Variants in NDEL1 observed in about 807,000 individuals in gnomAD.
NDEL1 encodes the protein nuclear distribution protein nudE-like 1.
In NDEL1, 9 loss-of-function variants were observed where a neutral mutation model predicts 45.7. That is an observed-to-expected ratio of 0.20 (90% CI 0.12 to 0.34). The LOEUF is 0.34. Among genes scored for constraint, NDEL1 ranks in the 10% least tolerant of loss-of-function variants. The probability of loss-of-function intolerance (pLI) is 1.00; values close to 1 mark genes in which losing one functional copy is unlikely to be tolerated. For synonymous variants in NDEL1, 133 were observed against 158.6 expected, an observed-to-expected ratio of 0.84 and a Z score of 1.21; for missense variants, 306 against 406.2, an observed-to-expected ratio of 0.75 and a Z score of 2.12.
intron 1 of NDEL1, chr17:8,443,923 G>C (rs753501504): frequency 5.8e-6 from 1 of 173,040 alleles, no homozygotes; most frequent in African/African-American, 2.4e-5. Flanking sequence ...CTCCCGATTC[G>C]CAGAAGACCA....
intron 1 of NDEL1, among the ~76,000 whole-genome samples, chr17:8,419,358 A>G (rs914354264): frequency 6.6e-6 from 1 of 152,248 alleles, no homozygotes; most frequent in African/African-American, 2.4e-5. Context: ...AAATATATCC[A>G]GTCTAATACA....
chr17:8,441,580 A>G (rs182877082), intron 1 of NDEL1, among the ~76,000 whole-genome samples: 1 of 152,286 alleles, frequency 6.6e-6, no homozygotes, highest in East Asian at 1.9e-4. Context: ...ACTTTCTTCT[A>G]TTGCTTTTTT....
upstream of NDEL1, among the ~76,000 whole-genome samples, chr17:8,434,898 C>T (rs889994255): frequency 2.6e-5 from 4 of 151,988 alleles, no homozygotes; most frequent in Non-Finnish European, 4.4e-5. Flanking sequence ...GGTGAAACCC[C>T]GTCTCTACTA....
At chr17:8,452,841 G>C (rs1410655360) in intron 6 of NDEL1, among the ~76,000 whole-genome samples, 1 of 142,290 alleles carries the variant, frequency 7.0e-6, no homozygotes, top group Non-Finnish European at 1.5e-5. Context: ...CTGGGTTCAA[G>C]TGATTCTCCT....
downstream of NDEL1, among the ~76,000 whole-genome samples, chr17:8,470,516 G>T (rs1199204012): frequency 1.3e-5 from 2 of 152,146 alleles, no homozygotes; most frequent in South Asian, 4.1e-4. The surrounding 1 kb of genome is among the most constrained non-coding windows in gnomAD (Gnocchi z 4.2). Context: ...TGAGACCCAG[G>T]AGCCAAAGCT....
intron 8 of NDEL1, 34 bp downstream of exon 8, chr17:8,460,194 G>C: frequency 6.3e-7 from 1 of 1,592,748 alleles, no homozygotes; most frequent in Non-Finnish European, 8.5e-7. Context: ...ATAATTTTTT[G>C]AGTAGTAAAG....
chr17:8,471,008 G>T (rs1372991866), downstream of NDEL1, among the ~76,000 whole-genome samples: 1 of 152,202 alleles, frequency 6.6e-6, no homozygotes, highest in African/African-American at 2.4e-5. Context: ...GGAGCACCCG[G>T]TAGCCAGCTC....
chr17:8,434,766 A>G (rs1909155691), upstream of NDEL1, among the ~76,000 whole-genome samples: 1 of 151,826 alleles, frequency 6.6e-6, no homozygotes. Context: ...CTAAAAATAT[A>G]TAAACATTAA....
intron 1 of NDEL1, among the ~76,000 whole-genome samples, chr17:8,420,728 A>G (rs1208725984): frequency 1.3e-5 from 2 of 152,244 alleles, no homozygotes; most frequent in African/African-American, 4.8e-5. Flanking sequence ...TATTTTTCAA[A>G]TATAAAATAC....
At chr17:8,461,548 CAG>C (rs1911207064) in intron 8 of NDEL1, among the ~76,000 whole-genome samples, 1 of 152,152 alleles carries the variant, frequency 6.6e-6, no homozygotes, top group African/African-American at 2.4e-5. Flanking sequence ...CAGCTGAAAT[CAG>C]AACTTTATTC....
intron 1 of NDEL1, among the ~76,000 whole-genome samples, chr17:8,426,798 A>G (rs1328564850): frequency 6.6e-6 from 1 of 152,216 alleles, no homozygotes; most frequent in Non-Finnish European, 1.5e-5. Context: ...ACAAACCTCA[A>G]TAGGGGATTA....
chr17:8,426,125 C>T (rs1188731400), intron 1 of NDEL1, among the ~76,000 whole-genome samples: 1 of 152,138 alleles, frequency 6.6e-6, no homozygotes. Flanking sequence ...TATTTTCCTT[C>T]TTTTTGTTTT....
chr17:8,442,307 C>T lies in NDEL1; in HGVS notation c.-12-1953C>T, dbSNP rs192252203. Among the ~76,000 whole-genome samples the T allele has an allele frequency of 3.4e-3, 520 of 152,324 alleles. 3 individuals are homozygous for T. Among genetic ancestry groups the T allele is most frequent in the Non-Finnish European group, 6.0e-3 (406 of 68,042 alleles). On this transcript the variant is annotated intron_variant, in intron 1 of 8. Transcript: ENST00000334527. Reference sequence around the variant, plus strand: ...TTGTAAGGTGGAAGTAAACTACCCGCACATCTTTTTGCTTACTCCATTCCT... The same window carrying T: ...TTGTAAGGTGGAAGTAAACTACCCGTACATCTTTTTGCTTACTCCATTCCT...
rs1244378565 is a variant in NDEL1 at position 8,435,945 on chromosome 17, C to T, written c.-113C>T. The T allele has an allele frequency of 1.8e-5, 8 of 448,584 alleles. No homozygotes were observed. Among genetic ancestry groups the T allele is most frequent in the Non-Finnish European group, 3.6e-5 (8 of 223,574 alleles). 27.8% of individuals were successfully genotyped at this position (448,584 alleles called of 1,614,324 possible). On this transcript the variant is annotated 5_prime_UTR_variant, in exon 1 of 9. Coordinates refer to ENST00000334527, the MANE Select transcript of NDEL1 (RefSeq NM_030808.5). ...GTACGCTGAGTGGAGCTCGGGGCTG[C>T]GTAGGGGAGCTGAGCCGAGCGGCTG...
intron 1 of NDEL1, among the ~76,000 whole-genome samples, chr17:8,441,840 A>T (rs1461629948): frequency 6.6e-6 from 1 of 152,030 alleles, no homozygotes; most frequent in Non-Finnish European, 1.5e-5. Flanking sequence ...TGTCCAGGTC[A>T]TGGTTTTCTC....
rs1911512015 is a variant in NDEL1 at position 8,465,362 on chromosome 17, A to AGTCT, written c.945-1568_945-1567insGTCT. 6.6e-6 allele frequency: 1 copy of AGTCT among 152,252 alleles called. No individual in the cohort carries two copies. Among genetic ancestry groups the AGTCT allele is most frequent in the African/African-American group, 2.4e-5 (1 of 41,468 alleles). 9.4% of individuals were successfully genotyped at this position (152,252 alleles called of 1,614,324 possible). A position where few individuals can be genotyped will look rare whatever the true frequency, so the allele number is the denominator to read the frequency against. ...GACCTAACCCAGTGAGGAAAGAGACAATCTGGCTGTTTGTCGTCGAAGTAG... is the reference window on the plus strand; with the variant it reads ...GACCTAACCCAGTGAGGAAAGAGACAGTCTATCTGGCTGTTTGTCGTCGAAGTAG... On this transcript the variant is annotated intron_variant, in intron 8 of 8. Coordinates refer to ENST00000334527, the MANE Select transcript of NDEL1 (RefSeq NM_030808.5). This position sits in a 1 kb window ranked among gnomAD's most constrained non-coding sequence, Gnocchi z 4.9.
At chr17:8,438,976 A>G (rs1463037435) in intron 1 of NDEL1, among the ~76,000 whole-genome samples, 2 of 140,748 alleles carry the variant, frequency 1.4e-5, no homozygotes, top group African/African-American at 5.3e-5. Context: ...TCTCTCTGTC[A>G]CCCAGGCTGG....
rs1490509027 is a variant in NDEL1, at chr17:8,446,831, C to G, written c.318C>G (p.Ala106=). ...AAGATGATTTAAGTCAGACTCGGGC[C>G]ATTAAGGAGCAGTTGCATAAGTATG... ...VLEDDLSQTR[A]IKEQLHKYVR... Residue 106 remains alanine, a synonymous_variant, in exon 4 of 9, where the codon GCC becomes GCG. Coordinates refer to ENST00000334527, the MANE Select transcript of NDEL1 (RefSeq NM_030808.5). 6.2e-7 allele frequency: 1 copy of G among 1,614,026 alleles called. No homozygotes were observed. The highest frequency in any genetic ancestry group is 1.7e-5 in the Admixed American group (1 of 60,000).
At chr17:8,434,743 G>A (rs771785347), upstream of NDEL1, among the ~76,000 whole-genome samples, 1 of 151,918 alleles carries the variant, frequency 6.6e-6, no homozygotes, top group Non-Finnish European at 1.5e-5. Context: ...ACATACACGT[G>A]TGTGTTTACG....
Sources: gnomAD v4.1 joint callset for allele counts (sites outside exome capture counted in the v4.1 genomes callset) on GRCh38, gnomAD v4.1.1 for gene constraint, Gnocchi (gnomAD v3.1) non-coding constraint, MANE v1.5 for transcripts, NCBI Gene and HGNC (gene_info 2026-07-23, HGNC 2026-07-21) for gene names.